The following PVT1 variants were observed in gnomAD, a reference collection of about 807,000 sequenced individuals.
PVT1 encodes the protein Pvt1 oncogene.
intron 3 of PVT1, among the ~76,000 whole-genome samples, chr8:127,912,849 A>T (rs895943750): frequency 6.6e-6 from 1 of 152,154 alleles, no homozygotes; most frequent in African/African-American, 2.4e-5. Flanking sequence ...GACACCTGCC[A>T]CCAGGCCAGA....
intron 4 of PVT1, among the ~76,000 whole-genome samples, chr8:128,041,379 G>T (rs1586493979): frequency 6.7e-6 from 1 of 149,542 alleles, no homozygotes; most frequent in East Asian, 2.0e-4. Context: ...GTGTTTGTGT[G>T]CATATGTGTA....
rs553353797 is a variant in PVT1 at position 128,050,175 on chromosome 8, C to G, written n.913-19985C>G. Reference sequence around the variant, plus strand: ...TTCCCTCTCCCTGGACCCATTCCAGCCAGCAGTTCCTGACTTTGCTTCCTT... The same window carrying G: ...TTCCCTCTCCCTGGACCCATTCCAGGCAGCAGTTCCTGACTTTGCTTCCTT... On this transcript the variant is annotated intron_variant and non_coding_transcript_variant, in intron 4 of 10. Coordinates refer to ENST00000651587, the Ensembl canonical transcript of PVT1. 2.6e-5 allele frequency among the ~76,000 whole-genome samples: 4 copies of G among 152,304 alleles called. No homozygotes were observed. In the South Asian group the frequency reaches 8.3e-4, roughly 32 times the overall value.
chr8:127,965,557 C>T (rs1166041504), intron 3 of PVT1, among the ~76,000 whole-genome samples: 2 of 151,896 alleles, frequency 1.3e-5, no homozygotes, highest in African/African-American at 4.9e-5. Context: ...TCTGTTCACC[C>T]CCCATTTAAA....
chr8:128,047,898 T>C (rs1238681291), intron 4 of PVT1, among the ~76,000 whole-genome samples: 1 of 152,204 alleles, frequency 6.6e-6, no homozygotes, highest in African/African-American at 2.4e-5. Flanking sequence ...AATTAAAAAT[T>C]AATCTAAAAA....
chr8:127,872,732 T>G (rs1815364496), intron 2 of PVT1, among the ~76,000 whole-genome samples: 1 of 152,222 alleles, frequency 6.6e-6, no homozygotes, highest in African/African-American at 2.4e-5. Context: ...TGGCTCGGAA[T>G]CTGAGCTTGA....
intron 3 of PVT1, among the ~76,000 whole-genome samples, chr8:127,985,334 C>T (rs892749019): frequency 6.6e-6 from 1 of 151,864 alleles, no homozygotes; most frequent in Non-Finnish European, 1.5e-5. Context: ...GCCCAGCCTT[C>T]CAGGCTGGTT....
chr8:127,964,304 A>G (rs574658109), intron 3 of PVT1, among the ~76,000 whole-genome samples: 30 of 152,354 alleles, frequency 2.0e-4, no homozygotes, highest in African/African-American at 6.7e-4. Flanking sequence ...TGGTTCAGAA[A>G]TAGTTCCTGG....
intron 3 of PVT1, among the ~76,000 whole-genome samples, chr8:127,979,140 T>G (rs949772675): frequency 3.9e-5 from 6 of 152,262 alleles, no homozygotes; most frequent in Non-Finnish European, 7.3e-5. Context: ...CATCTATCTA[T>G]TTGTCCATCT....
rs762580113 is a variant in PVT1, at chr8:128,071,158, C to T, written n.1114+797C>T. On this transcript the variant is annotated intron_variant and non_coding_transcript_variant, in intron 5 of 10. Transcript: ENST00000651587. ...ATGAGACCCATTTCCACACCAGCTG[C>T]TCCAGCTGAGGTTCCCATGCAGGTT... is the stretch of plus-strand genomic sequence containing the variant. 7.9e-5 allele frequency among the ~76,000 whole-genome samples: 12 copies of T among 152,328 alleles called. 1 individual carries two copies. Among genetic ancestry groups the T allele is most frequent in the Non-Finnish European group, 1.3e-4 (9 of 68,030 alleles).
intron 2 of PVT1, among the ~76,000 whole-genome samples, chr8:127,868,784 T>TATACGTATATATATATGTATATAA (rs1563625664): frequency 5.9e-5 from 5 of 84,178 alleles, no homozygotes; most frequent in Admixed American, 1.3e-4. Context: ...TATATATATA[T>TATACGTATATATATATGTATATAA]ATATATATAC....
chr8:127,966,526 C>T (rs186442073), intron 3 of PVT1, among the ~76,000 whole-genome samples: 2 of 152,180 alleles, frequency 1.3e-5, no homozygotes, highest in African/African-American at 4.8e-5. Flanking sequence ...GGAGCTTGCC[C>T]CTCTTCTCAG....
At chr8:128,011,876 T>C (rs1408019516) in intron 4 of PVT1, among the ~76,000 whole-genome samples, 1 of 152,174 alleles carries the variant, frequency 6.6e-6, no homozygotes, top group Non-Finnish European at 1.5e-5. Context: ...GAGAATGCTC[T>C]GTCTCTGACA....
intron 3 of PVT1, among the ~76,000 whole-genome samples, chr8:127,964,626 G>C (rs1270699846): frequency 6.6e-6 from 1 of 152,128 alleles, no homozygotes; most frequent in Non-Finnish European, 1.5e-5. Context: ...CACCCTCTGA[G>C]GTGCTAAGGG....
At chr8:128,009,745 G>A (rs1255587943) in intron 4 of PVT1, 2 of 152,200 alleles carry the variant, frequency 1.3e-5, no homozygotes, top group Non-Finnish European at 1.5e-5. Context: ...TACAGTCACC[G>A]TCTTCAGTGT....
chr8:128,008,745 C>T (rs1817276544), intron 4 of PVT1, among the ~76,000 whole-genome samples: 2 of 152,170 alleles, frequency 1.3e-5, no homozygotes, highest in Non-Finnish European at 2.9e-5. Flanking sequence ...CCATGCTGGG[C>T]ACAATGCTAA....
At chr8:128,085,319 G>A (rs572800336) in intron 5 of PVT1, among the ~76,000 whole-genome samples, 1 of 152,230 alleles carries the variant, frequency 6.6e-6, no homozygotes, top group African/African-American at 2.4e-5. Context: ...AAAACTCCAA[G>A]TGAGAAGCAC....
rs138159966 is a variant in PVT1, at chr8:127,796,061, T to G, written n.362T>G. The G allele has an allele frequency of 3.9e-4, 67 of 170,408 alleles. 1 individual carries two copies. The highest frequency in any genetic ancestry group is 1.5e-3 in the African/African-American group (64 of 41,636). 10.6% of individuals were successfully genotyped at this position (170,408 alleles called of 1,614,324 possible). A position where few individuals can be genotyped will look rare whatever the true frequency, so the allele number is the denominator to read the frequency against. ...TTCGGCACAAGGGCCCAACTGGAAT[T>G]CCACTTACGGGTATGACTGTGGGGT... On this transcript the variant is annotated non_coding_transcript_exon_variant, in exon 2 of 11. Transcript: ENST00000651587.
chr8:128,057,683 C>T (rs577036103), intron 4 of PVT1, among the ~76,000 whole-genome samples: 14 of 152,328 alleles, frequency 9.2e-5, no homozygotes, highest in African/African-American at 3.1e-4. Flanking sequence ...ATGCTTTCCT[C>T]CCTGCATTTT....
At chr8:127,923,463 G>A (rs1160218275) in intron 3 of PVT1, among the ~76,000 whole-genome samples, 3 of 152,208 alleles carry the variant, frequency 2.0e-5, no homozygotes, top group Non-Finnish European at 2.9e-5. Context: ...GGACGAGGAG[G>A]ATGATTTGGG....
Sources: allele counts gnomAD v4.1 joint callset (sites outside exome capture counted in the v4.1 genomes callset), GRCh38; gene constraint gnomAD v4.1.1; transcripts MANE v1.5; gene names NCBI Gene and HGNC (gene_info 2026-07-23, HGNC 2026-07-21).